The following TMC2 variants were observed in gnomAD, a reference collection of about 807,000 sequenced individuals.
TMC2 encodes transmembrane channel-like protein 2.
Under a neutral mutation model 105.9 loss-of-function variants are expected in TMC2, and 102 were observed. The observed-to-expected ratio is 0.96, with a 90% CI of 0.82 to 1.14. TMC2 has a LOEUF of 1.14. TMC2 is among the 50% of genes most tolerant of loss of function. The probability of loss-of-function intolerance (pLI) is 0.00; values close to 1 mark genes in which losing one functional copy is unlikely to be tolerated. For missense variants in TMC2, 1,093 were observed against 1,134.3 expected, an observed-to-expected ratio of 0.96 and a Z score of 0.52; for synonymous variants, 402 against 422.8, an observed-to-expected ratio of 0.95 and a Z score of 0.60.
intron 11 of TMC2, among the ~76,000 whole-genome samples, chr20:2,607,743 A>C (rs992344548): frequency 6.6e-6 from 1 of 152,168 alleles, no homozygotes; most frequent in African/African-American, 2.4e-5. Context: ...ATTCATTAGG[A>C]CACCTAGCTT....
chr20:2,613,609 A>G (rs1186610927), intron 14 of TMC2: 4 of 379,722 alleles, frequency 1.1e-5, no homozygotes, highest in Admixed American at 3.7e-5. Flanking sequence ...TACTGAGCCA[A>G]TGGTTGATAG....
chr20:2,587,391 A>G (rs947863103), intron 7 of TMC2, among the ~76,000 whole-genome samples: 1 of 152,082 alleles, frequency 6.6e-6, no homozygotes, highest in Non-Finnish European at 1.5e-5. Flanking sequence ...TCTTTTTTAT[A>G]TATCATCTGA....
chr20:2,632,635 G>A (rs2086611567), intron 17 of TMC2, among the ~76,000 whole-genome samples: 1 of 151,976 alleles, frequency 6.6e-6, no homozygotes, highest in African/African-American at 2.4e-5. Flanking sequence ...TGTTGCCCAG[G>A]CTGGAATGCA....
Position 2,613,261 on chromosome 20 carries a change from T to TACGG in TMC2, c.1812_1815dup (p.Ala606ThrfsTer25). ...ATCACCATCCTGCTGGGGGACTTCC[T>TACGG]ACGGGCTTGTTTTGTGCGGTTCATG... On this transcript the variant is annotated frameshift_variant, in exon 14 of 20. Transcript: ENST00000358864. LOFTEE classifies it high-confidence loss of function. The TACGG allele has an allele frequency of 6.2e-7, 1 of 1,614,134 alleles. No individual in the cohort carries two copies.
chr20:2,536,830 A>C (rs2085852659), intron 1 of TMC2, among the ~76,000 whole-genome samples, 175 bp downstream of exon 1: 1 of 152,182 alleles, frequency 6.6e-6, no homozygotes, highest in South Asian at 2.1e-4. Context: ...TCTGATCCTC[A>C]CGCATGAGAT....
intron 2 of TMC2, among the ~76,000 whole-genome samples, chr20:2,541,026 C>T (rs1449488589): frequency 6.6e-6 from 1 of 152,134 alleles, no homozygotes; most frequent in Non-Finnish European, 1.5e-5. Context: ...GCTGGGGCCC[C>T]TCAATCCCCT....
Position 2,616,551 on chromosome 20 carries a change from GA to G in TMC2, c.1940+348del, listed in dbSNP as rs1284097739. Among the ~76,000 whole-genome samples the G allele has an allele frequency of 6.8e-6, 1 of 147,004 alleles. No individual in the cohort carries two copies. The highest frequency in any genetic ancestry group is 1.5e-5 in the Non-Finnish European group (1 of 65,368). ...GGAGTAAAGAAGAGGAGGAAAAGAG[GA>G]GGAAAGGAAAATAAAGAAGGAGGGA... On this transcript the variant is annotated intron_variant, in intron 15 of 19. Coordinates refer to ENST00000358864, the MANE Select transcript of TMC2 (RefSeq NM_080751.3). The surrounding 1 kb of genome is among the most constrained non-coding windows in gnomAD (Gnocchi z 4.8).
intron 14 of TMC2, chr20:2,614,009 G>A (rs1014147275): frequency 2.1e-4 from 32 of 151,226 alleles, no homozygotes; most frequent in African/African-American, 7.6e-4. Flanking sequence ...CCCTCATCCT[G>A]GCCTGGCCCA....
Position 2,641,559 on chromosome 20 carries a change from G to C in TMC2, c.*208G>C. On this transcript the variant is annotated 3_prime_UTR_variant, in exon 20 of 20. Transcript: ENST00000358864. ...CTTCACCTGTCCTTTAGGGAAGCTGGAGCCATCTCTGCACTAACTGCCCTC... is the reference window on the plus strand; with the variant it reads ...CTTCACCTGTCCTTTAGGGAAGCTGCAGCCATCTCTGCACTAACTGCCCTC... 1 of 564,576 alleles carries C rather than the reference G, an allele frequency of 1.8e-6. No homozygotes were observed. Among genetic ancestry groups the C allele is most frequent in the South Asian group, 2.2e-5 (1 of 44,572 alleles). The allele number at this position is 564,576 out of a possible 1,614,324, so 35.0% of individuals were successfully genotyped here.
intron 1 of TMC2, 144 bp downstream of exon 1, chr20:2,536,799 C>T (rs1600090206): frequency 1.2e-6 from 1 of 832,984 alleles, no homozygotes. Context: ...GCTGAGCGAC[C>T]TCGGCTGGTT....
At chr20:2,568,288 T>C (rs2086078285) in intron 4 of TMC2, among the ~76,000 whole-genome samples, 1 of 152,166 alleles carries the variant, frequency 6.6e-6, no homozygotes, top group African/African-American at 2.4e-5. Flanking sequence ...AAGAAACTTC[T>C]CATCAGAAAC....
chr20:2,575,474 T>TA (rs1427399190), intron 5 of TMC2, among the ~76,000 whole-genome samples: 2 of 152,164 alleles, frequency 1.3e-5, no homozygotes, highest in African/African-American at 2.4e-5. Context: ...ATCTATTGGG[T>TA]AAAAAAATAG....
chr20:2,594,504 G>A (rs534393388), intron 8 of TMC2, among the ~76,000 whole-genome samples: 3 of 152,120 alleles, frequency 2.0e-5, no homozygotes, highest in South Asian at 4.1e-4. Context: ...CTGGGATTAC[G>A]GGCGTGAGCC....
chr20:2,537,846 G>A (rs936446851), intron 2 of TMC2, among the ~76,000 whole-genome samples: 1 of 152,094 alleles, frequency 6.6e-6, no homozygotes, highest in African/African-American at 2.4e-5. Flanking sequence ...GAGACTGAGG[G>A]TTCAGGGGAG....
intron 2 of TMC2, among the ~76,000 whole-genome samples, chr20:2,546,092 A>G (rs1262026754): frequency 6.6e-6 from 1 of 152,214 alleles, no homozygotes; most frequent in Non-Finnish European, 1.5e-5. Flanking sequence ...AAGGTCCCCA[A>G]GTAGTGTTTT....
At chr20:2,630,322 C>T (rs1441604554) in intron 17 of TMC2, among the ~76,000 whole-genome samples, 1 of 152,106 alleles carries the variant, frequency 6.6e-6, no homozygotes, top group Non-Finnish European at 1.5e-5. Flanking sequence ...TTGGATTGTC[C>T]ATTATCTCTC....
chr20:2,632,411 T>C (rs554772059), intron 17 of TMC2, among the ~76,000 whole-genome samples: 2 of 152,364 alleles, frequency 1.3e-5, no homozygotes, highest in Non-Finnish European at 2.9e-5. Flanking sequence ...GAAATGGTTT[T>C]GTATCGTTCT....
chr20:2,585,896 T>C (rs922454725), intron 7 of TMC2, among the ~76,000 whole-genome samples: 2 of 152,182 alleles, frequency 1.3e-5, no homozygotes, highest in African/African-American at 4.8e-5. Context: ...AGAAATGACA[T>C]TCCATCACTT....
At chr20:2,614,363 T>A (rs1032127765) in intron 14 of TMC2, among the ~76,000 whole-genome samples, 1 of 152,178 alleles carries the variant, frequency 6.6e-6, no homozygotes. Flanking sequence ...CCTAGCACTT[T>A]GGGAGGCCAA....
Sources: gnomAD v4.1 joint callset for allele counts (sites outside exome capture counted in the v4.1 genomes callset) on GRCh38, gnomAD v4.1.1 for gene constraint, Gnocchi (gnomAD v3.1) non-coding constraint, MANE v1.5 for transcripts, NCBI Gene and HGNC (gene_info 2026-07-23, HGNC 2026-07-21) for gene names.